Variants in DAB2IP observed in about 807,000 individuals in gnomAD.
DAB2IP encodes DAB2 interacting protein.
A neutral mutation model predicts 107.2 loss-of-function variants in DAB2IP; 28 were observed. The observed-to-expected ratio is 0.26, with a 90% CI of 0.19 to 0.36. The LOEUF is 0.36. Ranked by LOEUF, DAB2IP falls within the 10% of genes least tolerant of loss-of-function variation. The pLI is 1.00. For missense variants in DAB2IP, 1,400 were observed against 1,644.7 expected (o/e 0.85, Z 2.57); for synonymous variants, 755 against 706.4 (o/e 1.07, Z -1.09).
intron 1 of DAB2IP, among the ~76,000 whole-genome samples, chr9:121,601,102 G>C (rs545811425): frequency 2.0e-5 from 3 of 152,270 alleles, no homozygotes; most frequent in Admixed American, 1.3e-4. Flanking sequence ...TCTTATCCCT[G>C]CAATGAACTA....
At chr9:121,652,652 G>A (rs1832799837) in intron 1 of DAB2IP, among the ~76,000 whole-genome samples, 3 of 152,240 alleles carry the variant, frequency 2.0e-5, no homozygotes, top group Admixed American at 1.3e-4. Context: ...GGTGCCCGTG[G>A]GGTGGAAGGG....
At chr9:121,659,050 G>C (rs1349703844) in intron 1 of DAB2IP, among the ~76,000 whole-genome samples, 1 of 152,220 alleles carries the variant, frequency 6.6e-6, no homozygotes, top group Non-Finnish European at 1.5e-5. Context: ...TGCCGACATA[G>C]TTGTGAAATG....
At chr9:121,715,382 C>A (rs746417501) in intron 3 of DAB2IP, among the ~76,000 whole-genome samples, 7 of 147,264 alleles carry the variant, frequency 4.8e-5, no homozygotes, top group African/African-American at 1.8e-4. Flanking sequence ...GAGTCTTTCT[C>A]GGTAGCCCAG....
At chr9:121,577,337 G>A (rs57893185) in intron 1 of DAB2IP, among the ~76,000 whole-genome samples, 2,960 of 152,304 alleles carry the variant, frequency 0.019, 80 homozygotes, top group African/African-American at 0.062. Flanking sequence ...AGCCTGTGCT[G>A]GATGGCCGGA....
rs116018722 is a variant in DAB2IP at position 121,577,329 on chromosome 9, C to A, written c.40+10101C>A. ...GGTGGATTTCTGTCCAATCTGGAAG[C>A]CTGTGCTGGATGGCCGGATCGCCAG... is the stretch of plus-strand genomic sequence containing the variant. On this transcript the variant is annotated intron_variant, in intron 1 of 16. Coordinates refer to the DAB2IP transcript ENST00000259371. 6.6e-3 allele frequency among the ~76,000 whole-genome samples: 1,012 copies of A among 152,276 alleles called. 15 individuals carry two copies. The highest frequency in any genetic ancestry group is 0.023 in the African/African-American group (972 of 41,566).
chr9:121,742,501 C>CT (rs1459565942), intron 3 of DAB2IP, among the ~76,000 whole-genome samples: 1 of 152,262 alleles, frequency 6.6e-6, no homozygotes, highest in Non-Finnish European at 1.5e-5. Flanking sequence ...GCCCACGCTT[C>CT]TCTGAGGGTG....
chr9:121,700,533 C>T (rs564865679), intron 3 of DAB2IP, among the ~76,000 whole-genome samples: 2 of 152,284 alleles, frequency 1.3e-5, no homozygotes, highest in South Asian at 2.1e-4. Flanking sequence ...CATCTGCCTT[C>T]GTAGGGCTGT....
At chr9:121,753,532 A>G (rs1264571701) in intron 3 of DAB2IP, among the ~76,000 whole-genome samples, 1 of 152,172 alleles carries the variant, frequency 6.6e-6, no homozygotes, top group African/African-American at 2.4e-5. Flanking sequence ...ACCACACCAC[A>G]TAGGGTAGCT....
Position 121,782,839 on chromosome 9 carries a change from A to C in DAB2IP, c.*341A>C. ...TGTCCTCCTGGATCTGGCCGAGTGC[A>C]TGTGTCCCCCCACACCTGTGCCAGG... On this transcript the variant is annotated 3_prime_UTR_variant, in exon 16 of 16. Transcript: ENST00000408936. The surrounding 1 kb of genome is among the most constrained non-coding windows in gnomAD (Gnocchi z 6.1). 9.0e-7 allele frequency: 1 copy of C among 1,109,492 alleles called. No homozygotes were observed. Among genetic ancestry groups the C allele is most frequent in the Non-Finnish European group, 1.1e-6 (1 of 906,778 alleles). 68.7% of individuals were successfully genotyped at this position (1,109,492 alleles called of 1,614,324 possible). A position where few individuals can be genotyped will look rare whatever the true frequency, so the allele number is the denominator to read the frequency against.
chr9:121,604,310 G>A (rs778316893), intron 1 of DAB2IP, among the ~76,000 whole-genome samples: 4 of 152,258 alleles, frequency 2.6e-5, no homozygotes, highest in East Asian at 3.9e-4. Context: ...TCCCTGGGGC[G>A]AGCAGCTGGC....
chr9:121,723,426 C>T (rs1831052763), intron 3 of DAB2IP, among the ~76,000 whole-genome samples: 1 of 152,210 alleles, frequency 6.6e-6, no homozygotes, highest in Non-Finnish European at 1.5e-5. Flanking sequence ...GGGAGAGGTG[C>T]CTGCCACCCC....
intron 1 of DAB2IP, among the ~76,000 whole-genome samples, chr9:121,584,239 G>T (rs1331426): frequency 0.23 from 35,405 of 151,922 alleles, 4,992 homozygotes; most frequent in East Asian, 0.37. Flanking sequence ...ACCACGCCCA[G>T]CCTCAAAATA....
intron 1 of DAB2IP, among the ~76,000 whole-genome samples, chr9:121,594,159 A>G (rs1447754882): frequency 6.6e-6 from 1 of 152,188 alleles, no homozygotes; most frequent in African/African-American, 2.4e-5. Flanking sequence ...AAACCCAGCA[A>G]CAGGCTCAGA....
At chr9:121,774,542 C>A in intron 13 of DAB2IP, 130 bp downstream of exon 13, 1 of 1,068,214 alleles carries the variant, frequency 9.4e-7, no homozygotes. Flanking sequence ...ACCTCTGAGC[C>A]CCTGTTCCCT....
intron 2 of DAB2IP, among the ~76,000 whole-genome samples, chr9:121,693,438 C>A (rs1020594598): frequency 6.6e-6 from 1 of 152,258 alleles, no homozygotes; most frequent in Non-Finnish European, 1.5e-5. Flanking sequence ...TGGATGGGAT[C>A]TTCTCCTCCC....
rs116693550 is a variant in DAB2IP at position 121,631,873 on chromosome 9, G to A, written c.41-46805G>A. ...CACTCTGCTGTTGGCCCAGGGAACC[G>A]TGGCAGGGCTTTCAGCAGGGAGCAG... is the stretch of plus-strand genomic sequence containing the variant. On this transcript the variant is annotated intron_variant, in intron 1 of 16. Coordinates refer to the DAB2IP transcript ENST00000259371. Among the ~76,000 whole-genome samples the A allele has an allele frequency of 2.9e-3, 434 of 151,310 alleles. 2 individuals are homozygous for A. Among genetic ancestry groups the A allele is most frequent in the African/African-American group, 9.8e-3 (404 of 41,210 alleles).
At chr9:121,767,640 G>A (rs1009129526) in intron 9 of DAB2IP, among the ~76,000 whole-genome samples, 6 of 152,304 alleles carry the variant, frequency 3.9e-5, no homozygotes, top group Non-Finnish European at 8.8e-5. Context: ...GCCACCAGAG[G>A]GTTTTAAACA....
chr9:121,743,032 G>T, intron 3 of DAB2IP: 1 of 974,472 alleles, frequency 1.0e-6, no homozygotes. Context: ...TCAGGGCCTC[G>T]TGGAGGGAGC....
intron 1 of DAB2IP, among the ~76,000 whole-genome samples, chr9:121,577,731 G>A (rs1250115734): frequency 2.0e-5 from 3 of 152,224 alleles, no homozygotes; most frequent in Admixed American, 2.0e-4. Flanking sequence ...TGCTAATGGT[G>A]GGGTGTTAGG....
Sources: gnomAD v4.1 joint callset for allele counts (sites outside exome capture counted in the v4.1 genomes callset) on GRCh38, gnomAD v4.1.1 for gene constraint, Gnocchi (gnomAD v3.1) non-coding constraint, MANE v1.5 for transcripts, NCBI Gene and HGNC (gene_info 2026-07-23, HGNC 2026-07-21) for gene names.